The following ATP8B4 variants were observed in gnomAD, a reference collection of about 807,000 sequenced individuals.
The protein encoded by ATP8B4 is ATPase phospholipid transporting 8B4 (putative).
Under a neutral mutation model 145.6 loss-of-function variants are expected in ATP8B4, and 133 were observed. The ratio of observed to expected loss-of-function variants is 0.91; its 90% CI spans 0.79 to 1.05. ATP8B4 has a LOEUF of 1.05. Among genes scored for constraint, ATP8B4 ranks in the 50% least tolerant of loss-of-function variants. The pLI, the probability that ATP8B4 is intolerant of heterozygous loss-of-function variation, is 0.00. For synonymous variants in ATP8B4, 507 were observed against 492.9 expected (o/e 1.03, Z -0.38); for missense variants, 1,458 against 1,425.2 (o/e 1.02, Z -0.37).
At chr15:50,164,581 C>CA (rs1433323062) in intron 1 of ATP8B4, among the ~76,000 whole-genome samples, 1 of 152,180 alleles carries the variant, frequency 6.6e-6, no homozygotes, top group East Asian at 1.9e-4. Flanking sequence ...AGGGATGAAG[C>CA]AAGTACTCCC....
intron 16 of ATP8B4, among the ~76,000 whole-genome samples, chr15:49,925,186 A>C (rs1171057489): frequency 6.6e-6 from 1 of 152,168 alleles, no homozygotes; most frequent in Non-Finnish European, 1.5e-5. Flanking sequence ...ACTAGTTACT[A>C]TAATTATTAT....
At chr15:50,015,134 T>C (rs1198211252) in intron 6 of ATP8B4, among the ~76,000 whole-genome samples, 1 of 152,168 alleles carries the variant, frequency 6.6e-6, no homozygotes, top group Non-Finnish European at 1.5e-5. Context: ...AGTTACATTA[T>C]TAGGAAATGT....
At chr15:50,063,265 C>G (rs951947519) in intron 3 of ATP8B4, among the ~76,000 whole-genome samples, 11 of 151,888 alleles carry the variant, frequency 7.2e-5, no homozygotes, top group African/African-American at 2.7e-4. Context: ...TGATAAGACG[C>G]ATGGCCATGT....
chr15:49,916,997 T>C lies in ATP8B4; in HGVS notation c.2078A>G (p.Asp693Gly), dbSNP rs748625362. Reference protein sequence around the residue: ...NIGYACNMLTDDMNDVFVIAG... With the variant: ...NIGYACNMLTGDMNDVFVIAG... ...TATCACAAACACATCATTCATGTCGTCAGTCAGCATGTTGCAGGCATAACC... is the reference window on the plus strand; with the variant it reads ...TATCACAAACACATCATTCATGTCGCCAGTCAGCATGTTGCAGGCATAACC... The change falls in exon 20 of 28, where the codon GAC becomes GGC. Residue 693 changes from aspartate to glycine, a missense_variant. Physicochemically the swap from Asp to Gly is moderately conservative, Grantham distance 94. Transcript: ENST00000284509. 17 of 1,613,918 alleles carry C rather than the reference T, an allele frequency of 1.1e-5. No homozygotes were observed. The South Asian group carries it at 1.4e-4, about 14-fold the overall frequency.
chr15:49,938,512 G>C (rs1051557574), intron 14 of ATP8B4, among the ~76,000 whole-genome samples: 1 of 152,004 alleles, frequency 6.6e-6, no homozygotes, highest in Non-Finnish European at 1.5e-5. Flanking sequence ...AAACAAAGAA[G>C]GGCATTACCT....
At chr15:50,165,443 T>C (rs1284996335) in intron 1 of ATP8B4, among the ~76,000 whole-genome samples, 2 of 152,184 alleles carry the variant, frequency 1.3e-5, no homozygotes, top group Non-Finnish European at 2.9e-5. Flanking sequence ...GTTTCTTTTG[T>C]GTGGATAGCT....
rs548157031 is a variant in ATP8B4, at chr15:50,173,923, C to A, written c.-43+8338G>T. 3.3e-5 allele frequency among the ~76,000 whole-genome samples: 5 copies of A among 152,284 alleles called. No homozygotes were observed. The South Asian group carries it at 1.0e-3, about 32-fold the overall frequency. ...AATACTAGCTAACTAAATCCAACAACATATCAAACAGATTATCCACCATGA... is the reference window on the plus strand; with the variant it reads ...AATACTAGCTAACTAAATCCAACAAAATATCAAACAGATTATCCACCATGA... On this transcript the variant is annotated intron_variant, in intron 1 of 3. Coordinates refer to the ATP8B4 transcript ENST00000558829.
intron 8 of ATP8B4, among the ~76,000 whole-genome samples, chr15:50,000,894 TAA>T (rs1203216108): frequency 4.6e-5 from 7 of 152,280 alleles, no homozygotes; most frequent in South Asian, 2.1e-4. Context: ...TATTTCATAT[TAA>T]GTGTATAGTC....
At chr15:50,054,941 T>C (rs538248848) in intron 3 of ATP8B4, among the ~76,000 whole-genome samples, 5 of 152,172 alleles carry the variant, frequency 3.3e-5, no homozygotes, top group Admixed American at 1.3e-4. Flanking sequence ...ACGAACTGGA[T>C]AGATTCATCT....
At chr15:50,063,994 G>A (rs1321208236) in intron 3 of ATP8B4, among the ~76,000 whole-genome samples, 1 of 152,106 alleles carries the variant, frequency 6.6e-6, no homozygotes. Flanking sequence ...AGAAAAGGCT[G>A]TTTGGGGAGG....
At chr15:50,179,883 A>T (rs1347266193) in intron 1 of ATP8B4, among the ~76,000 whole-genome samples, 2 of 152,204 alleles carry the variant, frequency 1.3e-5, no homozygotes, top group East Asian at 3.8e-4. Flanking sequence ...ATAGCAGCCC[A>T]AACAGACTAA....
intron 4 of ATP8B4, among the ~76,000 whole-genome samples, chr15:50,046,365 AG>A (rs1213030116): frequency 6.6e-6 from 1 of 152,112 alleles, no homozygotes; most frequent in Non-Finnish European, 1.5e-5. Context: ...CACCAAGTAG[AG>A]GGCCTACCTA....
intron 2 of ATP8B4, among the ~76,000 whole-genome samples, chr15:50,097,091 A>G (rs1320865694): frequency 2.6e-4 from 40 of 152,226 alleles, no homozygotes; most frequent in Admixed American, 2.6e-3. Flanking sequence ...AATTCCTTCA[A>G]AAGATCAACT....
chr15:50,172,938 TC>T (rs538700477), intron 1 of ATP8B4, among the ~76,000 whole-genome samples: 13,226 of 147,248 alleles, frequency 0.09, 794 homozygotes, highest in African/African-American at 0.16. Context: ...GAGGAGCGTC[TC>T]CGCCCGGCAG....
At chr15:49,892,111 C>CT (rs2036889573) in intron 23 of ATP8B4, among the ~76,000 whole-genome samples, 1 of 140,392 alleles carries the variant, frequency 7.1e-6, no homozygotes, top group Non-Finnish European at 1.5e-5. Flanking sequence ...CAAGACTCAC[C>CT]TAAAAAAAAA....
intron 1 of ATP8B4, among the ~76,000 whole-genome samples, chr15:50,137,436 A>G (rs2044138032): frequency 6.6e-6 from 1 of 152,224 alleles, no homozygotes; most frequent in African/African-American, 2.4e-5. Flanking sequence ...TGTCCTTTGC[A>G]TGCTGAGCAT....
At chr15:50,132,761 C>G (rs189824842) in intron 1 of ATP8B4, among the ~76,000 whole-genome samples, 180 of 152,288 alleles carry the variant, frequency 1.2e-3, no homozygotes, top group African/African-American at 4.2e-3. Context: ...ACATGTACAC[C>G]ATGGAATACT....
At chr15:49,938,668 A>C (rs949413919) in intron 14 of ATP8B4, among the ~76,000 whole-genome samples, 26 of 152,200 alleles carry the variant, frequency 1.7e-4, no homozygotes, top group African/African-American at 6.3e-4. Flanking sequence ...GGGAGACTCC[A>C]ACACCCCACT....
chr15:49,958,493 CAACTA>C (rs1466159463), intron 14 of ATP8B4, among the ~76,000 whole-genome samples: 1 of 151,236 alleles, frequency 6.6e-6, no homozygotes, highest in East Asian at 1.9e-4. Context: ...GAAGAAGGGG[CAACTA>C]AACTATTTAC....
Sources: allele counts gnomAD v4.1 joint callset (sites outside exome capture counted in the v4.1 genomes callset), GRCh38; gene constraint gnomAD v4.1.1; transcripts MANE v1.5; gene names NCBI Gene and HGNC (gene_info 2026-07-23, HGNC 2026-07-21).